Variants in ANK2 observed in about 807,000 individuals in gnomAD.
ANK2 encodes ankyrin 2, also known as ankyrin-2.
In ANK2, 83 loss-of-function variants were observed where a neutral mutation model predicts 360.5. The ratio of observed to expected loss-of-function variants is 0.23; its 90% CI spans 0.19 to 0.28. The LOEUF (loss-of-function observed/expected upper bound fraction) is 0.28. Among genes scored for constraint, ANK2 ranks in the 10% least tolerant of loss-of-function variants. ANK2 has a pLI of 1.00. For missense variants in ANK2, 4,201 were observed against 4,795.7 expected, an observed-to-expected ratio of 0.88 and a Z score of 3.66; for synonymous variants, 1,740 against 1,759.5, an observed-to-expected ratio of 0.99 and a Z score of 0.28.
rs570021594 is a variant in ANK2, at chr4:113,280,640, A to G, written c.1882-2035A>G. Among the ~76,000 whole-genome samples, 9 of 152,318 alleles carry G rather than the reference A, an allele frequency of 5.9e-5. 1 individual carries two copies. Among genetic ancestry groups the G allele is most frequent in the Admixed American group, 5.9e-4 (9 of 15,290 alleles). ...CACGAGAACTTTGCTTCTTTCCACC[A>G]GAGTCCAGAACCTTCTCTTAGTCTT... On this transcript the variant is annotated intron_variant, in intron 17 of 45. Transcript: ENST00000357077.
At chr4:112,778,000 G>C in the ANK2 span, among the ~76,000 whole-genome samples, 1 of 146,510 alleles carries the variant, frequency 6.8e-6, no homozygotes, top group East Asian at 2.0e-4. Context: ...ACGGAGTTTT[G>C]CTCTTGTCAT....
chr4:112,932,922 G>A (rs772333287), intron 2 of ANK2, among the ~76,000 whole-genome samples: 1 of 151,982 alleles, frequency 6.6e-6, no homozygotes, highest in Non-Finnish European at 1.5e-5. Flanking sequence ...CTCTGTTATT[G>A]TACCTTTTTC....
intron 1 of ANK2, among the ~76,000 whole-genome samples, chr4:113,099,937 C>A (rs313949): frequency 0.027 from 4,118 of 152,066 alleles, 132 homozygotes; most frequent in East Asian, 0.1. Context: ...AAAAGTGAAT[C>A]TAGTGGCAGA....
chr4:113,135,968 T>C (rs556059501), intron 1 of ANK2, among the ~76,000 whole-genome samples: 8 of 152,342 alleles, frequency 5.3e-5, no homozygotes, highest in Non-Finnish European at 1.2e-4. Context: ...TCAGTAATAA[T>C]ATGCATTTGT....
intron 26 of ANK2, among the ~76,000 whole-genome samples, chr4:113,327,778 G>T (rs1470801403): frequency 6.6e-6 from 1 of 152,186 alleles, no homozygotes; most frequent in African/African-American, 2.4e-5. Flanking sequence ...GGCAGCAGCT[G>T]CTATGTCTTT....
At chr4:113,043,438 G>A (rs973866274) in intron 2 of ANK2, among the ~76,000 whole-genome samples, 2 of 150,358 alleles carry the variant, frequency 1.3e-5, no homozygotes, top group Non-Finnish European at 1.5e-5. Context: ...AATACCAGGG[G>A]CTTTAAAAAA....
chr4:113,215,902 T>G, intron 4 of ANK2, among the ~76,000 whole-genome samples: 1 of 152,192 alleles, frequency 6.6e-6, no homozygotes, highest in East Asian at 1.9e-4. Flanking sequence ...TTAATTCCAG[T>G]ATTTACTTAA....
intron 1 of ANK2, among the ~76,000 whole-genome samples, chr4:112,896,827 C>T (rs2081902064): frequency 6.6e-6 from 1 of 152,198 alleles, no homozygotes; most frequent in African/African-American, 2.4e-5. Context: ...CAGTCACTTA[C>T]TTACCTGCTC....
At chr4:112,949,524 C>T (rs1453718735) in intron 2 of ANK2, among the ~76,000 whole-genome samples, 1 of 152,156 alleles carries the variant, frequency 6.6e-6, no homozygotes, top group Non-Finnish European at 1.5e-5. Context: ...TGAGCCAACA[C>T]AAAAGAGTTT....
chr4:113,127,692 A>G (rs77188848), intron 1 of ANK2, among the ~76,000 whole-genome samples: 140 of 152,230 alleles, frequency 9.2e-4, no homozygotes, highest in Non-Finnish European at 1.7e-3. Context: ...TTGGAAATAA[A>G]GTTGGAGCAC....
chr4:112,849,732 A>T (rs1472184314), intron 1 of ANK2, among the ~76,000 whole-genome samples: 1 of 152,130 alleles, frequency 6.6e-6, no homozygotes, highest in Non-Finnish European at 1.5e-5. Flanking sequence ...TAATCCTTAT[A>T]CAGATTTGAT....
At chr4:113,319,209 G>C (rs1292407733) in intron 26 of ANK2, among the ~76,000 whole-genome samples, 3 of 152,014 alleles carry the variant, frequency 2.0e-5, no homozygotes, top group Non-Finnish European at 2.9e-5. Flanking sequence ...AAGCAATGCT[G>C]CCTGTTTTTA....
At chr4:113,182,701 G>C (rs2098441826) in intron 2 of ANK2, among the ~76,000 whole-genome samples, 1 of 152,212 alleles carries the variant, frequency 6.6e-6, no homozygotes, top group Non-Finnish European at 1.5e-5. Context: ...AACAGCCTTA[G>C]TAATGTGATG....
chr4:112,955,232 AATT>A (rs1176469284), intron 2 of ANK2, among the ~76,000 whole-genome samples: 1 of 152,170 alleles, frequency 6.6e-6, no homozygotes, highest in Non-Finnish European at 1.5e-5. Context: ...TAAAAAGGTC[AATT>A]ATTACTTTTA....
intron 1 of ANK2, among the ~76,000 whole-genome samples, chr4:113,097,860 G>GTATATA (rs1446135412): frequency 1.7e-4 from 9 of 54,300 alleles, no homozygotes; most frequent in South Asian, 7.1e-4. Context: ...GTGTGTGTGT[G>GTATATA]TGTGTGTATA....
At chr4:112,958,043 C>T (rs1473500447) in intron 2 of ANK2, among the ~76,000 whole-genome samples, 3 of 151,300 alleles carry the variant, frequency 2.0e-5, no homozygotes, top group South Asian at 2.1e-4. Flanking sequence ...GGTTGGTGGC[C>T]GGGAAGAGGC....
At chr4:113,104,821 G>A (rs1310494673) in intron 1 of ANK2, among the ~76,000 whole-genome samples, 1 of 152,142 alleles carries the variant, frequency 6.6e-6, no homozygotes, top group Non-Finnish European at 1.5e-5. Context: ...AACAAAGTGA[G>A]TGGGATTTAA....
intron 10 of ANK2, among the ~76,000 whole-genome samples, chr4:113,254,650 G>A (rs1442576143): frequency 1.3e-5 from 2 of 152,104 alleles, no homozygotes; most frequent in Admixed American, 6.5e-5. Context: ...CAAAATATAT[G>A]AATAATTTAT....
At chr4:112,771,627 C>T in the ANK2 span, among the ~76,000 whole-genome samples, 1 of 151,796 alleles carries the variant, frequency 6.6e-6, no homozygotes, top group East Asian at 1.9e-4. Flanking sequence ...ACTCTTTCGC[C>T]CAGGCCGGAG....
Sources: allele counts gnomAD v4.1 joint callset (sites outside exome capture counted in the v4.1 genomes callset), GRCh38; gene constraint gnomAD v4.1.1; transcripts MANE v1.5; gene names NCBI Gene and HGNC (gene_info 2026-07-23, HGNC 2026-07-21).